Variants in FRMPD1 observed in about 807,000 individuals in gnomAD.
The protein encoded by FRMPD1 is FERM and PDZ domain containing 1, also known as FERM and PDZ domain-containing protein 1.
FRMPD1 carries 76 observed loss-of-function variants against 117.8 expected under a neutral mutation model. The ratio of observed to expected loss-of-function variants is 0.65; its 90% confidence interval spans 0.54 to 0.78. FRMPD1 has a LOEUF of 0.78. FRMPD1 is among the 30% of genes least tolerant of loss of function. The pLI is 0.00. For missense variants in FRMPD1, 1,786 were observed against 1,964.5 expected, an observed-to-expected ratio of 0.91 and a Z score of 1.72; for synonymous variants, 783 against 770.4, an observed-to-expected ratio of 1.02 and a Z score of -0.27.
chr9:37,616,674 G>C, the FRMPD1 span, among the ~76,000 whole-genome samples: 1 of 152,124 alleles, frequency 6.6e-6, no homozygotes, highest in African/African-American at 2.4e-5. Flanking sequence ...CAGATTTGAG[G>C]CTTACCATGA....
rs768399099 is a variant in FRMPD1, at chr9:37,729,826, G to C, written c.711G>C (p.Leu237=). 3.1e-6 allele frequency: 5 copies of C among 1,613,950 alleles called. No individual in the cohort carries two copies. The highest frequency in any genetic ancestry group is 2.2e-5 in the South Asian group (2 of 91,068). The part of the protein sequence containing the change: ...EEQYSISRLH[L]LHEEELIQQV... The stretch of plus-strand genomic sequence containing the variant: ...AGTACAGCATCTCCCGGCTGCACCT[G>C]CTGCACGAAGAGGAACTCATCCAGC... Residue 237 remains leucine, a synonymous_variant, in exon 8 of 16, where the codon CTG becomes CTC. Transcript: ENST00000377765.
chr9:37,649,995 C>T (rs1820616478), upstream of FRMPD1, among the ~76,000 whole-genome samples: 5 of 152,152 alleles, frequency 3.3e-5, 1 homozygote, highest in South Asian at 1.0e-3. Flanking sequence ...TCCAGGAGGC[C>T]TTCACTCAGT....
chr9:37,625,766 G>C, the FRMPD1 span, among the ~76,000 whole-genome samples: 1 of 152,228 alleles, frequency 6.6e-6, no homozygotes, highest in Non-Finnish European at 1.5e-5. Flanking sequence ...GCTATTTCAG[G>C]GGGTGGAGTG....
the FRMPD1 span, among the ~76,000 whole-genome samples, chr9:37,635,275 C>T: frequency 2.0e-5 from 3 of 152,148 alleles, no homozygotes; most frequent in African/African-American, 7.2e-5. Flanking sequence ...CTGAACAGAG[C>T]CATTTTATAT....
Position 37,719,154 on chromosome 9 carries a change from T to C in FRMPD1, c.494T>C (p.Val165Ala), listed in dbSNP as rs757594781. 1 of 1,609,014 alleles carries C rather than the reference T, an allele frequency of 6.2e-7. No homozygotes were observed. The highest frequency in any genetic ancestry group is 8.5e-7 in the Non-Finnish European group (1 of 1,175,304). Residue 165 changes from valine (V) to alanine (A), a missense_variant, in exon 6 of 16, where the codon GTG (valine) becomes GCG (alanine). Coordinates refer to ENST00000377765, the MANE Select transcript of FRMPD1 (RefSeq NM_014907.3). The stretch of plus-strand genomic sequence containing the variant: ...GTGAAGGTGCACTTTGCTGAAGAAG[T>C]GCTCATCAGTGGACACAGCCAGGTG... ...NPVKVHFAEE[V>A]LISGHSQGNS...
intron 3 of FRMPD1, among the ~76,000 whole-genome samples, chr9:37,708,154 CT>C (rs1822780495): frequency 6.6e-6 from 1 of 152,160 alleles, no homozygotes; most frequent in South Asian, 2.1e-4. Context: ...AAGGTTTCTG[CT>C]AGTTTTCTTT....
the FRMPD1 span, among the ~76,000 whole-genome samples, chr9:37,611,710 C>T: frequency 6.6e-6 from 1 of 152,190 alleles, no homozygotes; most frequent in South Asian, 2.1e-4. Flanking sequence ...TAATAGTAAA[C>T]CTGTATGCAT....
intron 1 of FRMPD1, among the ~76,000 whole-genome samples, chr9:37,675,204 C>T (rs1821483204): frequency 6.6e-6 from 1 of 152,048 alleles, no homozygotes; most frequent in Non-Finnish European, 1.5e-5. Flanking sequence ...GGTTGGATCA[C>T]TCTAAGTCAG....
chr9:37,719,397 C>T (rs1010250331), intron 6 of FRMPD1, among the ~76,000 whole-genome samples: 1 of 152,196 alleles, frequency 6.6e-6, no homozygotes, highest in African/African-American at 2.4e-5. Flanking sequence ...AAGAAGAGCA[C>T]TGGGTTTGGC....
chr9:37,669,099 C>G (rs867586269), intron 1 of FRMPD1, among the ~76,000 whole-genome samples: 21 of 152,134 alleles, frequency 1.4e-4, no homozygotes, highest in African/African-American at 5.1e-4. Context: ...GATCCAGGTC[C>G]CCTAACTTCC....
At chr9:37,632,051 TG>T in the FRMPD1 span, among the ~76,000 whole-genome samples, 25 of 152,364 alleles carry the variant, frequency 1.6e-4, no homozygotes, top group African/African-American at 6.0e-4. Flanking sequence ...CAGTATCTAA[TG>T]TTTTTATATA....
intron 10 of FRMPD1, among the ~76,000 whole-genome samples, chr9:37,732,732 A>G (rs1450834405): frequency 6.6e-6 from 1 of 152,246 alleles, no homozygotes; most frequent in East Asian, 1.9e-4. Flanking sequence ...ATCAGTGTTA[A>G]GCTTTTCTAG....
At chr9:37,638,027 T>TTC in the FRMPD1 span, among the ~76,000 whole-genome samples, 1 of 120,220 alleles carries the variant, frequency 8.3e-6, no homozygotes, top group Non-Finnish European at 1.7e-5. Flanking sequence ...TTTCTTTCTC[T>TTC]CTCTTTCTTC....
intron 4 of FRMPD1, 73 bp from the exon 5 acceptor site, chr9:37,711,277 A>G (rs1237524932): frequency 3.2e-6 from 3 of 937,080 alleles, no homozygotes; most frequent in Non-Finnish European, 5.3e-6. Context: ...ACATGCTCAC[A>G]CATGTATGCA....
the FRMPD1 span, among the ~76,000 whole-genome samples, chr9:37,631,957 A>AT: frequency 1.4e-3 from 210 of 152,182 alleles, 1 homozygote; most frequent in African/African-American, 4.9e-3. Flanking sequence ...AATTTTAATG[A>AT]TTTTTTTCCT....
At chr9:37,723,633 G>A (rs916326631) in intron 6 of FRMPD1, among the ~76,000 whole-genome samples, 1 of 152,172 alleles carries the variant, frequency 6.6e-6, no homozygotes, top group Non-Finnish European at 1.5e-5. Context: ...CAAGTCAGGC[G>A]GATCACTTGA....
chr9:37,725,810 C>G (rs1181591294), intron 7 of FRMPD1, among the ~76,000 whole-genome samples: 1 of 152,244 alleles, frequency 6.6e-6, no homozygotes, highest in Non-Finnish European at 1.5e-5. Context: ...CTGTCAAGAT[C>G]AGCTAGCTCA....
At chr9:37,736,581 T>C (rs1170048518) in intron 13 of FRMPD1, among the ~76,000 whole-genome samples, 7 of 151,192 alleles carry the variant, frequency 4.6e-5, no homozygotes, top group Non-Finnish European at 4.4e-5. Context: ...CCTGAGCCTC[T>C]CTCAAAGGTC....
Position 37,708,480 on chromosome 9 carries a change from A to T in FRMPD1, c.341A>T (p.Glu114Val), listed in dbSNP as rs973112744. The T allele has an allele frequency of 1.9e-6, 3 of 1,604,528 alleles. No homozygotes were observed. Among genetic ancestry groups the T allele is most frequent in the African/African-American group, 2.7e-5 (2 of 74,736 alleles). The change falls in exon 4 of 16, where the codon GAA becomes GTA. Residue 114 changes from glutamate to valine, a missense_variant. Transcript: ENST00000377765. ...GAGCCTGCTGAAGACCTTTCCTGGG[A>T]ACGAGCAGTCGATATTCTCAGGTAC... The part of the protein sequence containing the change: ...NNEPAEDLSW[E>V]RAVDILREAE...
Sources: gnomAD v4.1 joint callset for allele counts (sites outside exome capture counted in the v4.1 genomes callset) on GRCh38, gnomAD v4.1.1 for gene constraint, MANE v1.5 for transcripts, NCBI Gene and HGNC (gene_info 2026-07-23, HGNC 2026-07-21) for gene names.